RALGPS1: variants seen among roughly 807,000 people sequenced by gnomAD.
RALGPS1 encodes the protein ras-specific guanine nucleotide-releasing factor RalGPS1.
RALGPS1 carries 19 observed loss-of-function variants against 78.8 expected under a neutral mutation model. The ratio of observed to expected loss-of-function variants is 0.24; its 90% CI spans 0.17 to 0.35. The LOEUF (loss-of-function observed/expected upper bound fraction) is 0.35, where lower values mean the gene tolerates loss of function less well. Ranked by LOEUF, RALGPS1 falls within the 10% of genes least tolerant of loss-of-function variation. The pLI, the probability that RALGPS1 is intolerant of heterozygous loss-of-function variation, is 1.00. For missense variants in RALGPS1, 454 were observed against 688.3 expected, an observed-to-expected ratio of 0.66 and a Z score of 3.81; for synonymous variants, 228 against 256.3, an observed-to-expected ratio of 0.89 and a Z score of 1.06.
intron 8 of RALGPS1, among the ~76,000 whole-genome samples, chr9:127,073,891 A>AT (rs2050443371): frequency 6.6e-6 from 1 of 151,770 alleles, no homozygotes; most frequent in Admixed American, 6.6e-5. Context: ...TATTATTATT[A>AT]TTTTTTTGAG....
At chr9:127,148,513 C>T (rs2058232446) in intron 8 of RALGPS1, among the ~76,000 whole-genome samples, 1 of 152,236 alleles carries the variant, frequency 6.6e-6, no homozygotes, top group South Asian at 2.1e-4. Flanking sequence ...AATGAACAAA[C>T]CTGCTGTGTG....
intron 8 of RALGPS1, among the ~76,000 whole-genome samples, chr9:127,110,755 T>C (rs1423970249): frequency 6.6e-6 from 1 of 152,214 alleles, no homozygotes; most frequent in Non-Finnish European, 1.5e-5. Context: ...CTTTCTTTCA[T>C]ACCCCACATC....
chr9:127,067,000 C>A (rs1440971907), intron 7 of RALGPS1, among the ~76,000 whole-genome samples: 1 of 152,224 alleles, frequency 6.6e-6, no homozygotes, highest in East Asian at 1.9e-4. Flanking sequence ...TTACTTACCA[C>A]ATTGCTATAC....
chr9:127,099,630 G>T (rs552108695), intron 8 of RALGPS1, among the ~76,000 whole-genome samples: 1 of 152,308 alleles, frequency 6.6e-6, no homozygotes, highest in African/African-American at 2.4e-5. Flanking sequence ...GTTATTGGGG[G>T]TCTTCGAATC....
rs2062462023 is a variant in RALGPS1 at position 127,214,489 on chromosome 9, T to C, written c.1553-262T>C. ...TATTATCGATTTCCTTTGTATTTTA[T>C]ACATTTGGAAACATTATTCTGAGGA... is the stretch of plus-strand genomic sequence containing the variant. On this transcript the variant is annotated intron_variant, in intron 17 of 18. Coordinates refer to ENST00000259351, the MANE Select transcript of RALGPS1 (RefSeq NM_014636.3). Among the ~76,000 whole-genome samples, 3 of 152,356 alleles carry C rather than the reference T, an allele frequency of 2.0e-5. No homozygotes were observed. The South Asian group carries it at 6.2e-4, about 32-fold the overall frequency.
Position 127,220,814 on chromosome 9 carries a change from C to G in RALGPS1, c.*2045C>G, listed in dbSNP as rs550890416. 4 of 152,452 alleles carry G rather than the reference C, an allele frequency of 2.6e-5. No homozygotes were observed. The highest frequency in any genetic ancestry group is 5.9e-5 in the Non-Finnish European group (4 of 68,032). The allele number at this position is 152,452 out of a possible 1,614,324, so 9.4% of individuals were successfully genotyped here. On this transcript the variant is annotated 3_prime_UTR_variant, in exon 19 of 19. Transcript: ENST00000259351. ...TGCAAACTGTCCTGGTTTTTCACAC[C>G]AATGAAGTATTATAGATGCCAATCC...
At chr9:127,144,101 C>T (rs1045193330) in intron 8 of RALGPS1, among the ~76,000 whole-genome samples, 1 of 152,236 alleles carries the variant, frequency 6.6e-6, no homozygotes, top group Admixed American at 6.5e-5. Context: ...TGTTCCTTCC[C>T]TGCCACCTCC....
chr9:127,175,799 G>A (rs1459448667), intron 11 of RALGPS1, among the ~76,000 whole-genome samples: 1 of 151,334 alleles, frequency 6.6e-6, no homozygotes, highest in Non-Finnish European at 1.5e-5. Flanking sequence ...AGTCTGATGT[G>A]CCCTGTTTGT....
chr9:127,180,764 C>G (rs1337000861), intron 11 of RALGPS1, among the ~76,000 whole-genome samples: 1 of 152,256 alleles, frequency 6.6e-6, no homozygotes, highest in Non-Finnish European at 1.5e-5. Context: ...GGGCATGAAA[C>G]AACCATTTTA....
chr9:126,937,526 TA>T (rs2036377338), intron 1 of RALGPS1, among the ~76,000 whole-genome samples: 1 of 152,116 alleles, frequency 6.6e-6, no homozygotes, highest in African/African-American at 2.4e-5. Flanking sequence ...CATAAAAAAG[TA>T]AAAAGATGGG....
At chr9:127,000,065 A>G (rs1398432703) in intron 4 of RALGPS1, among the ~76,000 whole-genome samples, 1 of 152,078 alleles carries the variant, frequency 6.6e-6, no homozygotes, top group Non-Finnish European at 1.5e-5. Flanking sequence ...CCCTGCTCTC[A>G]TTCCTCATAT....
chr9:127,073,392 C>T (rs2050374614), intron 8 of RALGPS1, among the ~76,000 whole-genome samples: 1 of 151,644 alleles, frequency 6.6e-6, no homozygotes, highest in Admixed American at 6.6e-5. Context: ...CAGCTGCATC[C>T]ATATTGCTGC....
At chr9:126,958,636 G>A (rs767204705) in intron 1 of RALGPS1, among the ~76,000 whole-genome samples, 2 of 152,194 alleles carry the variant, frequency 1.3e-5, no homozygotes, top group Admixed American at 6.5e-5. Context: ...ATCCTGCGGT[G>A]TGTCGACTGA....
At chr9:127,003,693 TC>T (rs2043564438) in intron 4 of RALGPS1, among the ~76,000 whole-genome samples, 1 of 152,130 alleles carries the variant, frequency 6.6e-6, no homozygotes, top group African/African-American at 2.4e-5. Context: ...TTCTTTCTTT[TC>T]TTTTTTTTTA....
At position 127,211,836 on chromosome 9, in the gene RALGPS1, C is replaced by T. The variant is rs1027863440; in HGVS notation, c.1248-295C>T. On this transcript the variant is annotated intron_variant, in intron 14 of 18. Coordinates refer to ENST00000259351, the MANE Select transcript of RALGPS1 (RefSeq NM_014636.3). The surrounding 1 kb of genome is among the most constrained non-coding windows in gnomAD (Gnocchi z 5.0). ...CCCCAGGGAGCGGCCAGGCTGTAGCCGTGACAAAAGCATCCCTTAGGGTGG... is the reference window on the plus strand; with the variant it reads ...CCCCAGGGAGCGGCCAGGCTGTAGCTGTGACAAAAGCATCCCTTAGGGTGG... 5.3e-5 allele frequency among the ~76,000 whole-genome samples: 8 copies of T among 152,128 alleles called. No individual in the cohort carries two copies. The highest frequency in any genetic ancestry group is 1.7e-4 in the African/African-American group (7 of 41,428).
chr9:127,057,411 G>A (rs1407095443), intron 7 of RALGPS1, among the ~76,000 whole-genome samples: 33 of 152,220 alleles, frequency 2.2e-4, no homozygotes, highest in Admixed American at 2.2e-3. Flanking sequence ...ATGACTTCCA[G>A]AGAATTGGCC....
chr9:127,134,401 G>A (rs1432405774), intron 8 of RALGPS1, among the ~76,000 whole-genome samples: 1 of 152,210 alleles, frequency 6.6e-6, no homozygotes, highest in Non-Finnish European at 1.5e-5. Context: ...CTGAGCCAGT[G>A]GCTTGGATCC....
chr9:127,024,584 C>T (rs973313092), intron 4 of RALGPS1, among the ~76,000 whole-genome samples: 1 of 151,926 alleles, frequency 6.6e-6, no homozygotes, highest in Non-Finnish European at 1.5e-5. Context: ...ATTATGGCTA[C>T]GTAACTGTTA....
intron 10 of RALGPS1, among the ~76,000 whole-genome samples, chr9:127,172,602 G>A (rs2059623209): frequency 6.6e-6 from 1 of 152,216 alleles, no homozygotes; most frequent in South Asian, 2.1e-4. Flanking sequence ...CTTGCTAACA[G>A]CGGCAACCTC....
Sources: allele counts gnomAD v4.1 joint callset (sites outside exome capture counted in the v4.1 genomes callset), GRCh38; gene constraint gnomAD v4.1.1; non-coding constraint Gnocchi (gnomAD v3.1); transcripts MANE v1.5; gene names NCBI Gene and HGNC (gene_info 2026-07-23, HGNC 2026-07-21).